Variants in ZRANB1 observed in about 807,000 individuals in gnomAD.
ZRANB1 encodes ubiquitin thioesterase ZRANB1.
Under a neutral mutation model 80.5 loss-of-function variants are expected in ZRANB1, and 16 were observed. The observed-to-expected ratio is 0.20, with a 90% CI of 0.13 to 0.30. The LOEUF is 0.30. Among genes scored for constraint, ZRANB1 ranks in the 10% least tolerant of loss-of-function variants. The probability of loss-of-function intolerance (pLI) is 1.00; values close to 1 mark genes in which losing one functional copy is unlikely to be tolerated. For missense variants in ZRANB1, 576 were observed against 862.6 expected, an observed-to-expected ratio of 0.67 and a Z score of 4.16; for synonymous variants, 291 against 293.1, an observed-to-expected ratio of 0.99 and a Z score of 0.07.
chr10:124,927,015 C>T, the ZRANB1 span, among the ~76,000 whole-genome samples: 587 of 152,256 alleles, frequency 3.9e-3, 5 homozygotes, highest in African/African-American at 0.013. Flanking sequence ...AGTGCAGTGG[C>T]GCGATCTCGG....
chr10:124,977,547 C>T (rs767388851), intron 5 of ZRANB1, among the ~76,000 whole-genome samples: 2 of 151,086 alleles, frequency 1.3e-5, no homozygotes, highest in Non-Finnish European at 3.0e-5. Flanking sequence ...CTGTCTCCAC[C>T]AAAAAATACA....
upstream of ZRANB1, among the ~76,000 whole-genome samples, chr10:124,939,004 C>G (rs1188182432): frequency 3.3e-5 from 5 of 152,066 alleles, no homozygotes; most frequent in Non-Finnish European, 4.4e-5. Flanking sequence ...CAGTGAAACT[C>G]CGTCTCTACT....
chr10:124,964,036 TG>T (rs1951758214), intron 1 of ZRANB1, among the ~76,000 whole-genome samples: 1 of 152,260 alleles, frequency 6.6e-6, no homozygotes, highest in Admixed American at 6.5e-5. Context: ...TCTGCCATGC[TG>T]GGGAATGGGC....
the ZRANB1 span, chr10:124,917,407 G>C: frequency 1.3e-5 from 2 of 151,236 alleles, no homozygotes; most frequent in African/African-American, 2.4e-5. Context: ...GGCGCGGGGA[G>C]GGCAGGGGCC....
chr10:124,968,865 A>T lies in ZRANB1; in HGVS notation c.1002+2084A>T, dbSNP rs529283196. ...ATCAGTATATTTATTGCAGTATCAC[A>T]GATTGTCTGGAAACTTAGCAGCTAA... On this transcript the variant is annotated intron_variant, in intron 2 of 8. Transcript: ENST00000359653. Among the ~76,000 whole-genome samples, 5 of 152,334 alleles carry T rather than the reference A, an allele frequency of 3.3e-5. No individual in the cohort carries two copies. In the South Asian group the frequency reaches 1.0e-3, roughly 32 times the overall value.
At chr10:124,941,944 T>C (rs192560882), upstream of ZRANB1, among the ~76,000 whole-genome samples, 92 of 152,392 alleles carry the variant, frequency 6.0e-4, no homozygotes, top group East Asian at 0.017. Context: ...ATTAGCATTT[T>C]AAGTTGCTTT....
At chr10:124,957,017 C>T (rs1951692547) in intron 1 of ZRANB1, among the ~76,000 whole-genome samples, 1 of 152,212 alleles carries the variant, frequency 6.6e-6, no homozygotes, top group African/African-American at 2.4e-5. Flanking sequence ...TACACAACCA[C>T]ACAGTATAAT....
Position 124,984,871 on chromosome 10 carries a change from G to A in ZRANB1, c.2006G>A (p.Arg669Gln), listed in dbSNP as rs1437456997. The A allele has an allele frequency of 1.5e-5, 24 of 1,613,866 alleles. No individual in the cohort carries two copies. Among genetic ancestry groups the A allele is most frequent in the East Asian group, 2.2e-5 (1 of 44,890 alleles). Residue 669 changes from arginine (R) to glutamine (Q), a missense_variant, in exon 9 of 9, where the codon CGG becomes CAG. Physicochemically the swap from Arg to Gln is conservative, Grantham distance 43. Transcript: ENST00000359653. ...CTGGTTGCCATGCAGAAGAGTTCTC[G>A]GCGGCGAAATCACCCCCTGGTCACT... is the stretch of plus-strand genomic sequence containing the variant. The part of the protein sequence containing the change: ...GVLVAMQKSS[R>Q]RRNHPLVTQM...
chr10:124,970,736 C>T (rs1951816935), intron 2 of ZRANB1, among the ~76,000 whole-genome samples: 1 of 152,092 alleles, frequency 6.6e-6, no homozygotes, highest in African/African-American at 2.4e-5. Context: ...TTGCTTCACA[C>T]CCCACTGTGG....
At chr10:124,935,480 C>T in the ZRANB1 span, among the ~76,000 whole-genome samples, 192 of 152,330 alleles carry the variant, frequency 1.3e-3, no homozygotes, top group African/African-American at 4.3e-3. Flanking sequence ...TATTGGAAGG[C>T]CTGGTGTCAT....
At chr10:124,919,910 C>G in the ZRANB1 span, among the ~76,000 whole-genome samples, 5 of 52,896 alleles carry the variant, frequency 9.5e-5, no homozygotes, top group South Asian at 6.7e-4. Context: ...CGCGCCCGGC[C>G]CCCCCCCCCC....
the ZRANB1 span, among the ~76,000 whole-genome samples, chr10:124,932,755 G>A: frequency 7.1e-4 from 108 of 151,920 alleles, no homozygotes; most frequent in African/African-American, 2.5e-3. Flanking sequence ...TAGAGACAGG[G>A]TTTCACCATG....
At position 124,942,513 on chromosome 10, in the gene ZRANB1, A is replaced by G; in HGVS notation, c.20A>G (p.Lys7Arg). The stretch of plus-strand genomic sequence containing the variant: ...TGCACAATGTCAGAACGTGGAATTA[A>G]GTGGGCTTGTGAATATTGTACGTAT... MSERGIKWACEYCTYEN... is the reference protein window; with the variant it reads MSERGIRWACEYCTYEN... Residue 7 changes from lysine to arginine, a missense_variant, in exon 1 of 9, where the codon AAG (lysine) becomes AGG (arginine). Lys to Arg is a conservative substitution (Grantham distance 26). This residue lies in a region of ZRANB1 where 411 missense variants were observed against 583.1 expected (regional missense o/e 0.70). Transcript: ENST00000359653. 1 of 1,614,178 alleles carries G rather than the reference A, an allele frequency of 6.2e-7. No individual in the cohort carries two copies. The highest frequency in any genetic ancestry group is 8.5e-7 in the Non-Finnish European group (1 of 1,180,030).
intron 1 of ZRANB1, 31 bp downstream of exon 1, chr10:124,943,338 G>T: frequency 6.3e-7 from 1 of 1,581,972 alleles, no homozygotes; most frequent in South Asian, 1.1e-5. Flanking sequence ...TTTTTTGCGT[G>T]GGATGGGAAA....
chr10:124,919,770 C>T, the ZRANB1 span, among the ~76,000 whole-genome samples: 1 of 151,648 alleles, frequency 6.6e-6, no homozygotes, highest in African/African-American at 2.4e-5. Flanking sequence ...TGCCACCACG[C>T]CCGGCTAATT....
At chr10:124,954,473 G>T (rs1224180686) in intron 1 of ZRANB1, among the ~76,000 whole-genome samples, 3 of 147,566 alleles carry the variant, frequency 2.0e-5, no homozygotes, top group Non-Finnish European at 4.5e-5. Context: ...TTGGAAACAG[G>T]GTCTTGCTCT....
chr10:124,932,102 A>G, the ZRANB1 span, among the ~76,000 whole-genome samples: 4 of 152,128 alleles, frequency 2.6e-5, no homozygotes, highest in Non-Finnish European at 5.9e-5. Context: ...ACTTAGTAGT[A>G]TGCATTTAAG....
At chr10:124,924,788 A>T in the ZRANB1 span, among the ~76,000 whole-genome samples, 1 of 152,104 alleles carries the variant, frequency 6.6e-6, no homozygotes, top group African/African-American at 2.4e-5. Flanking sequence ...TTTTGTTCAG[A>T]TGTAAGTTTT....
the ZRANB1 span, among the ~76,000 whole-genome samples, chr10:124,928,855 A>AT: frequency 1.3e-5 from 2 of 152,232 alleles, no homozygotes; most frequent in African/African-American, 4.8e-5. Flanking sequence ...ATTTAAACTG[A>AT]TATCTCAATG....
Sources: gnomAD v4.1 joint callset for allele counts (sites outside exome capture counted in the v4.1 genomes callset) on GRCh38, gnomAD v4.1.1 for gene constraint, gnomAD v4.1.1 regional missense constraint, MANE v1.5 for transcripts, NCBI Gene and HGNC (gene_info 2026-07-23, HGNC 2026-07-21) for gene names.